MYOCD: variants seen among roughly 807,000 people sequenced by gnomAD.
The protein encoded by MYOCD is myocardin.
A neutral mutation model predicts 96.1 loss-of-function variants in MYOCD; 32 were observed. The ratio of observed to expected loss-of-function variants is 0.33; its 90% CI spans 0.25 to 0.45. The LOEUF (loss-of-function observed/expected upper bound fraction) is 0.45, where lower values mean the gene tolerates loss of function less well. MYOCD is among the 20% of genes least tolerant of loss of function. The pLI is 1.00. For synonymous variants in MYOCD, 469 were observed against 469.0 expected, an observed-to-expected ratio of 1.00 and a Z score of 0.00; for missense variants, 1,133 against 1,200.6, an observed-to-expected ratio of 0.94 and a Z score of 0.83.
intron 1 of MYOCD, among the ~76,000 whole-genome samples, chr17:12,704,520 G>C (rs1325492086): frequency 6.6e-6 from 1 of 152,092 alleles, no homozygotes; most frequent in Non-Finnish European, 1.5e-5. Flanking sequence ...AACTCCAATA[G>C]TCCTTCTTTG....
intron 6 of MYOCD, among the ~76,000 whole-genome samples, chr17:12,738,013 G>A (rs2032393676): frequency 1.3e-5 from 2 of 152,152 alleles, no homozygotes; most frequent in Admixed American, 6.5e-5. Flanking sequence ...ACATCAAACG[G>A]TGTATCAGAT....
intron 7 of MYOCD, among the ~76,000 whole-genome samples, chr17:12,740,857 G>A (rs563038995): frequency 2.0e-5 from 3 of 152,042 alleles, no homozygotes; most frequent in Non-Finnish European, 4.4e-5. Flanking sequence ...TCCTGCCTCA[G>A]CCTCCCCAGT....
In MYOCD at chr17:12,752,530, C is replaced by T. The variant is rs1203109771; in HGVS notation, c.1242C>T (p.Asn414=). ...ACTGCTCTGGCAACCCAGTGCCGAA[C>T]TTTGGGGATATAACGACTGTCACTT... ...FQDCSGNPVP[N]FGDITTVTFP... Residue 414 remains asparagine (N), a synonymous_variant, in exon 10 of 14, where the codon AAC becomes AAT. Coordinates refer to ENST00000425538, the MANE Select transcript of MYOCD (RefSeq NM_001146312.3). 5 of 1,614,174 alleles carry T rather than the reference C, an allele frequency of 3.1e-6. No individual in the cohort carries two copies. Among genetic ancestry groups the T allele is most frequent in the Non-Finnish European group, 4.2e-6 (5 of 1,180,040 alleles).
chr17:12,728,812 T>C (rs2032079750), intron 5 of MYOCD, among the ~76,000 whole-genome samples: 1 of 152,206 alleles, frequency 6.6e-6, no homozygotes, highest in Non-Finnish European at 1.5e-5. Flanking sequence ...TGATTTAGAA[T>C]ATATAGCCCC....
At chr17:12,742,580 T>G (rs952641286) in intron 7 of MYOCD, among the ~76,000 whole-genome samples, 1 of 150,338 alleles carries the variant, frequency 6.7e-6, no homozygotes, top group Non-Finnish European at 1.5e-5. Flanking sequence ...AAAATTATTT[T>G]TTTTTTTTGA....
rs1294976658 is a variant in MYOCD at position 12,691,166 on chromosome 17, T to G, written c.56-13962T>G. Among the ~76,000 whole-genome samples, 4 of 152,256 alleles carry G rather than the reference T, an allele frequency of 2.6e-5. No homozygotes were observed. In the East Asian group the frequency reaches 7.7e-4, roughly 29 times the overall value. Reference sequence around the variant, plus strand: ...CTCAAAACTCTTTAAATAGAAAAGATCCATTTCTACTCTATCGTGACTCAG... The same window carrying G: ...CTCAAAACTCTTTAAATAGAAAAGAGCCATTTCTACTCTATCGTGACTCAG... On this transcript the variant is annotated intron_variant, in intron 1 of 13. Transcript: ENST00000425538.
Position 12,752,689 on chromosome 17 carries a change from C to T in MYOCD, c.1401C>T (p.Val467=), listed in dbSNP as rs775369905. 4.5e-5 allele frequency: 73 copies of T among 1,614,034 alleles called. No individual in the cohort carries two copies. The highest frequency in any genetic ancestry group is 5.4e-5 in the Non-Finnish European group (64 of 1,180,030). The change falls in exon 10 of 14, where the codon GTC becomes GTT. Residue 467 remains valine, a synonymous_variant. Transcript: ENST00000425538. ...PISPASSDLS[V]AGSLPDTFND... is the part of the protein sequence containing the mutation. ...CCCCAGCCTCCTCTGACCTGTCAGT[C>T]GCTGGGTCCCTGCCGGACACCTTCA...
intron 9 of MYOCD, among the ~76,000 whole-genome samples, chr17:12,749,707 G>GTGTATATATATATACATATA (rs147211245): frequency 0.066 from 8,975 of 135,646 alleles, 347 homozygotes; most frequent in Middle Eastern, 0.13. Context: ...GTATACATAT[G>GTGTATATATATATACATATA]TGTATATATA....
chr17:12,699,210 C>T (rs149825806), intron 1 of MYOCD, among the ~76,000 whole-genome samples: 218 of 152,180 alleles, frequency 1.4e-3, no homozygotes, highest in Middle Eastern at 3.4e-3. Context: ...CTGCAACCTC[C>T]GCTTCCCGGG....
chr17:12,701,689 A>G (rs1212223919), intron 1 of MYOCD, among the ~76,000 whole-genome samples: 6 of 152,044 alleles, frequency 3.9e-5, no homozygotes, highest in African/African-American at 1.4e-4. Context: ...CCCTCTCATC[A>G]CTGCTTTAGC....
At chr17:12,679,603 G>T (rs755285370) in intron 1 of MYOCD, among the ~76,000 whole-genome samples, 12 of 152,094 alleles carry the variant, frequency 7.9e-5, no homozygotes, top group Admixed American at 6.5e-5. Context: ...CATATATATA[G>T]TATGAGAGAG....
chr17:12,738,655 C>T (rs774913786), intron 6 of MYOCD, among the ~76,000 whole-genome samples: 1 of 151,972 alleles, frequency 6.6e-6, no homozygotes, highest in Admixed American at 6.6e-5. Flanking sequence ...CTTGGAGATA[C>T]ACACACACAC....
In MYOCD at chr17:12,710,938, A is replaced by C. The variant is rs565405791; in HGVS notation, c.122-4581A>C. 1.7e-4 allele frequency among the ~76,000 whole-genome samples: 26 copies of C among 152,284 alleles called. No homozygotes were observed. The South Asian group carries it at 3.5e-3, about 21-fold the overall frequency. Reference sequence around the variant, plus strand: ...CTAGAAAACTAGTCATTACAGGCACACTTTGAATTTGTCTTTGTACCCTCC... The same window carrying C: ...CTAGAAAACTAGTCATTACAGGCACCCTTTGAATTTGTCTTTGTACCCTCC... On this transcript the variant is annotated intron_variant, in intron 2 of 13. Coordinates refer to ENST00000425538, the MANE Select transcript of MYOCD (RefSeq NM_001146312.3).
intron 4 of MYOCD, among the ~76,000 whole-genome samples, chr17:12,717,894 G>C (rs2031698621): frequency 6.6e-6 from 1 of 152,142 alleles, no homozygotes; most frequent in African/African-American, 2.4e-5. Context: ...GCCTAGTTCT[G>C]CCTTAGGGTG....
Position 12,765,333 on chromosome 17 carries a change from GT to G in MYOCD, c.*1691del, listed in dbSNP as rs1197761445. 1.3e-5 allele frequency: 2 copies of G among 149,652 alleles called. No homozygotes were observed. Among genetic ancestry groups the G allele is most frequent in the Non-Finnish European group, 3.0e-5 (2 of 67,506 alleles). The allele number at this position is 149,652 out of a possible 1,614,324, so 9.3% of individuals were successfully genotyped here. A position where few individuals can be genotyped will look rare whatever the true frequency, so the allele number is the denominator to read the frequency against. On this transcript the variant is annotated 3_prime_UTR_variant, in exon 14 of 14. Transcript: ENST00000425538. ...CTTTTGTAAAAAAAAAAAAAAAGTT[GT>G]TCACTGTGCACTTATAGAAAAAATA...
chr17:12,741,231 A>C (rs1465050590), intron 7 of MYOCD, among the ~76,000 whole-genome samples: 1 of 152,202 alleles, frequency 6.6e-6, no homozygotes, highest in African/African-American at 2.4e-5. Context: ...CTCCCCCACC[A>C]AACCACAAGA....
chr17:12,761,587 CCATACA>C, intron 13 of MYOCD: 1 of 71,956 alleles, frequency 1.4e-5, no homozygotes, highest in East Asian at 4.9e-4. Flanking sequence ...TATCAGATGC[CCATACA>C]CACACACACA....
At position 12,763,743 on chromosome 17, in the gene MYOCD, A is replaced by C; in HGVS notation, c.*99A>C. 1 of 1,092,824 alleles carries C rather than the reference A, an allele frequency of 9.2e-7. No homozygotes were observed. The highest frequency in any genetic ancestry group is 1.3e-6 in the Non-Finnish European group (1 of 776,814). The allele number at this position is 1,092,824 out of a possible 1,614,324, so 67.7% of individuals were successfully genotyped here. A position where few individuals can be genotyped will look rare whatever the true frequency, so the allele number is the denominator to read the frequency against. On this transcript the variant is annotated 3_prime_UTR_variant, in exon 14 of 14. Transcript: ENST00000425538. ...ACTGTCCAAAAACAGAAGAAGAAGA[A>C]GAGAATTAAAAAGAAGCAATGATTT...
At chr17:12,759,491 T>C (rs1382506661) in intron 12 of MYOCD, among the ~76,000 whole-genome samples, 1 of 152,214 alleles carries the variant, frequency 6.6e-6, no homozygotes, top group Non-Finnish European at 1.5e-5. Flanking sequence ...CATTTTTTGG[T>C]CAGTGCTCCC....
Sources: gnomAD v4.1 joint callset for allele counts (sites outside exome capture counted in the v4.1 genomes callset) on GRCh38, gnomAD v4.1.1 for gene constraint, MANE v1.5 for transcripts, NCBI Gene and HGNC (gene_info 2026-07-23, HGNC 2026-07-21) for gene names.